The following DGKI variants were observed in gnomAD, a reference collection of about 807,000 sequenced individuals.
DGKI encodes DAG kinase iota.
In DGKI, 55 loss-of-function variants were observed where a neutral mutation model predicts 147.5. The ratio of observed to expected loss-of-function variants is 0.37; its 90% CI spans 0.30 to 0.47. DGKI has a LOEUF of 0.47. Among genes scored for constraint, DGKI ranks in the 20% least tolerant of loss-of-function variants. The pLI is 1.00. For missense variants in DGKI, 1,007 were observed against 1,323.8 expected (o/e 0.76, Z 3.71); for synonymous variants, 469 against 477.1 (o/e 0.98, Z 0.22).
chr7:137,632,691 C>T (rs181898513), intron 6 of DGKI, among the ~76,000 whole-genome samples: 234 of 151,726 alleles, frequency 1.5e-3, no homozygotes, highest in East Asian at 9.0e-3. Context: ...ACCCCGTCTC[C>T]ACTAAAAATA....
intron 3 of DGKI, 80 bp downstream of exon 3, chr7:137,678,477 C>T: frequency 7.1e-7 from 1 of 1,404,730 alleles, no homozygotes; most frequent in Admixed American, 1.7e-5. Flanking sequence ...CAAACCTCCC[C>T]TTGGAAATTT....
At chr7:137,468,924 T>G (rs1814768432) in intron 24 of DGKI, among the ~76,000 whole-genome samples, 1 of 152,094 alleles carries the variant, frequency 6.6e-6, no homozygotes, top group Admixed American at 6.5e-5. Flanking sequence ...TATGTAAGCA[T>G]GAATATACAG....
intron 27 of DGKI, 118 bp downstream of exon 27, chr7:137,463,371 T>G: frequency 3.5e-5 from 50 of 1,412,904 alleles, no homozygotes; most frequent in Non-Finnish European, 4.3e-5. Flanking sequence ...AGCACCTGCA[T>G]GAGACAGCCT....
chr7:137,398,262 G>A (rs189403261), intron 30 of DGKI, among the ~76,000 whole-genome samples: 129 of 152,224 alleles, frequency 8.5e-4, no homozygotes, highest in African/African-American at 3.0e-3. Context: ...GGCAAGGGGG[G>A]ATATATGATC....
At chr7:137,665,703 G>A (rs191659757) in intron 3 of DGKI, among the ~76,000 whole-genome samples, 5 of 152,276 alleles carry the variant, frequency 3.3e-5, no homozygotes, top group African/African-American at 9.6e-5. Flanking sequence ...CCTCCCGAGA[G>A]ACCTACAGGG....
intron 7 of DGKI, among the ~76,000 whole-genome samples, 173 bp downstream of exon 7, chr7:137,623,310 A>G (rs1341853787): frequency 6.6e-6 from 1 of 152,240 alleles, no homozygotes; most frequent in Non-Finnish European, 1.5e-5. Flanking sequence ...CAGCTCATCT[A>G]TGCTATTGTT....
At chr7:137,448,873 T>G (rs1033579983) in intron 27 of DGKI, among the ~76,000 whole-genome samples, 2 of 152,192 alleles carry the variant, frequency 1.3e-5, no homozygotes, top group Admixed American at 6.5e-5. Context: ...TAGTTGTTAT[T>G]AAAGAAACTT....
At chr7:137,617,463 A>G (rs1820574701) in intron 8 of DGKI, among the ~76,000 whole-genome samples, 1 of 152,162 alleles carries the variant, frequency 6.6e-6, no homozygotes, top group African/African-American at 2.4e-5. Context: ...GGGATTATTA[A>G]CATGACTGAG....
intron 20 of DGKI, chr7:137,546,032 G>A: frequency 7.5e-6 from 5 of 668,780 alleles, no homozygotes; most frequent in Non-Finnish European, 1.4e-5. Flanking sequence ...GAACAAGCCA[G>A]GGGAGAGAAA....
intron 12 of DGKI, among the ~76,000 whole-genome samples, chr7:137,592,476 T>G (rs1819651313): frequency 6.6e-6 from 1 of 152,228 alleles, no homozygotes; most frequent in Non-Finnish European, 1.5e-5. Flanking sequence ...CTGTCCGTTT[T>G]TAGCATTAGT....
At chr7:137,495,868 A>C (rs907205519) in intron 21 of DGKI, among the ~76,000 whole-genome samples, 1 of 152,184 alleles carries the variant, frequency 6.6e-6, no homozygotes, top group Non-Finnish European at 1.5e-5. Flanking sequence ...GAATGGGTAA[A>C]ATCTGGAAGC....
intron 1 of DGKI, among the ~76,000 whole-genome samples, chr7:137,700,442 T>C (rs757086743): frequency 1.3e-5 from 2 of 152,248 alleles, no homozygotes; most frequent in African/African-American, 4.8e-5. Context: ...GCCTTTTTCA[T>C]AGCAGATAAA....
intron 28 of DGKI, among the ~76,000 whole-genome samples, chr7:137,433,626 A>T (rs993986796): frequency 2.6e-5 from 4 of 152,246 alleles, no homozygotes; most frequent in African/African-American, 4.8e-5. Context: ...ATCATAAACA[A>T]AGTAAACTTT....
intron 1 of DGKI, chr7:137,843,414 C>T (rs1798605304): frequency 1.0e-6 from 1 of 985,192 alleles, no homozygotes; most frequent in Admixed American, 6.2e-5. Context: ...CCTTTTCAAA[C>T]CTTCAGCTTT....
intron 21 of DGKI, among the ~76,000 whole-genome samples, chr7:137,499,324 A>G (rs1017343767): frequency 3.3e-5 from 5 of 152,154 alleles, no homozygotes; most frequent in Non-Finnish European, 5.9e-5. Context: ...TGTATTGTAT[A>G]TACGCACTGT....
At chr7:137,605,350 T>C (rs1006368261) in intron 10 of DGKI, among the ~76,000 whole-genome samples, 16 of 146,184 alleles carry the variant, frequency 1.1e-4, no homozygotes, top group Admixed American at 4.0e-4. Flanking sequence ...TAAAATAAAA[T>C]AAAATAAAAT....
intron 21 of DGKI, among the ~76,000 whole-genome samples, chr7:137,504,016 C>T (rs904616182): frequency 6.6e-6 from 1 of 152,080 alleles, no homozygotes; most frequent in Non-Finnish European, 1.5e-5. Flanking sequence ...AAAGAATCAA[C>T]CAAACCTACA....
chr7:137,620,019 G>T, intron 7 of DGKI, 79 bp from the exon 8 acceptor site: 7 of 501,452 alleles, frequency 1.4e-5, no homozygotes, highest in East Asian at 3.8e-5. Flanking sequence ...ATGTACACAC[G>T]CACACACACA....
At chr7:137,612,660 C>T (rs1021223868) in intron 8 of DGKI, among the ~76,000 whole-genome samples, 1 of 152,050 alleles carries the variant, frequency 6.6e-6, no homozygotes, top group African/African-American at 2.4e-5. Flanking sequence ...GAGAGTTAAA[C>T]AAAAGAGCAC....
Sources: gnomAD v4.1 joint callset for allele counts (sites outside exome capture counted in the v4.1 genomes callset) on GRCh38, gnomAD v4.1.1 for gene constraint, MANE v1.5 for transcripts, NCBI Gene and HGNC (gene_info 2026-07-23, HGNC 2026-07-21) for gene names.